The following GPR141 variants were observed in gnomAD, a reference collection of about 807,000 sequenced individuals.
GPR141 encodes the protein G protein-coupled receptor 141, also known as probable G protein-coupled receptor 141.
In GPR141, 6 loss-of-function variants were observed where a neutral mutation model predicts 6.8. The ratio of observed to expected loss-of-function variants is 0.88; its 90% CI spans 0.48 to 1.74. The LOEUF (loss-of-function observed/expected upper bound fraction) is 1.74. Among genes scored for constraint, GPR141 ranks in the 40% most tolerant of loss-of-function variants. GPR141 has a pLI of 0.01. For missense variants in GPR141, 372 were observed against 372.9 expected (o/e 1.00, Z 0.02); for synonymous variants, 140 against 142.3 (o/e 0.98, Z 0.11).
chr7:37,699,815 A>C (rs1171059065), intron 2 of GPR141, among the ~76,000 whole-genome samples: 2 of 152,184 alleles, frequency 1.3e-5, no homozygotes, highest in African/African-American at 2.4e-5. Flanking sequence ...TTGTTTTTTC[A>C]GGGGTTTATT....
intron 2 of GPR141, among the ~76,000 whole-genome samples, chr7:37,739,045 G>T (rs78411396): frequency 0.035 from 5,260 of 152,208 alleles, 323 homozygotes; most frequent in African/African-American, 0.12. Flanking sequence ...GCTTTATACA[G>T]AGTAAGATTT....
At chr7:37,721,851 T>C (rs1268541630) in intron 2 of GPR141, among the ~76,000 whole-genome samples, 1 of 152,242 alleles carries the variant, frequency 6.6e-6, no homozygotes, top group Non-Finnish European at 1.5e-5. Context: ...GGCAATGGGT[T>C]ACTTGAAGGA....
At chr7:37,738,994 A>G (rs2131864431) in intron 2 of GPR141, among the ~76,000 whole-genome samples, 1 of 152,240 alleles carries the variant, frequency 6.6e-6, no homozygotes, top group African/African-American at 2.4e-5. Flanking sequence ...TTTTGATACC[A>G]CAGATATATC....
chr7:37,719,774 A>C (rs937358348), intron 2 of GPR141, among the ~76,000 whole-genome samples: 1 of 152,204 alleles, frequency 6.6e-6, no homozygotes, highest in Non-Finnish European at 1.5e-5. Context: ...TTCTCCACCC[A>C]GTCAGGAATT....
intron 2 of GPR141, among the ~76,000 whole-genome samples, chr7:37,739,370 T>A (rs528916944): frequency 5.8e-4 from 88 of 152,324 alleles, no homozygotes; most frequent in African/African-American, 2.1e-3. Flanking sequence ...TTTTTCCTCA[T>A]TTCCCCATGT....
At chr7:37,724,643 T>A (rs1344712777) in intron 2 of GPR141, among the ~76,000 whole-genome samples, 1 of 152,150 alleles carries the variant, frequency 6.6e-6, no homozygotes, top group East Asian at 1.9e-4. Flanking sequence ...CCTGAGTGAG[T>A]GATTAAAGTG....
rs1356402884 is a variant in GPR141, at chr7:37,743,277, A to G, written c.*1966A>G. On this transcript the variant is annotated 3_prime_UTR_variant, in exon 3 of 3. Transcript: ENST00000334425. ...CAGATGAATAAGAAATACCTCTGTG[A>G]ATTTCTGTGACCACTAAAATTACTG... Among the ~76,000 whole-genome samples, 1 of 152,170 alleles carries G rather than the reference A, an allele frequency of 6.6e-6. No individual in the cohort carries two copies. Among genetic ancestry groups the G allele is most frequent in the African/African-American group, 2.4e-5 (1 of 41,438 alleles).
chr7:37,727,970 G>A (rs1205169113), intron 2 of GPR141, among the ~76,000 whole-genome samples: 1 of 152,192 alleles, frequency 6.6e-6, no homozygotes, highest in South Asian at 2.1e-4. Flanking sequence ...TATGTCAAAT[G>A]TTCCAGGTAC....
chr7:37,704,910 G>A (rs998352331), intron 2 of GPR141, among the ~76,000 whole-genome samples: 10 of 151,664 alleles, frequency 6.6e-5, no homozygotes, highest in African/African-American at 1.7e-4. Flanking sequence ...ATGATTTTTC[G>A]CATTTTAGGG....
At chr7:37,709,171 A>C (rs1269318435) in intron 2 of GPR141, among the ~76,000 whole-genome samples, 2 of 152,224 alleles carry the variant, frequency 1.3e-5, no homozygotes, top group Non-Finnish European at 2.9e-5. Context: ...AGATCATCGT[A>C]CACAGAAAGA....
At chr7:37,720,687 G>A (rs1811277300) in intron 2 of GPR141, among the ~76,000 whole-genome samples, 1 of 149,866 alleles carries the variant, frequency 6.7e-6, no homozygotes, top group South Asian at 2.1e-4. Context: ...CTTGCAGTGA[G>A]CTGAGATTGC....
At chr7:37,692,193 G>T (rs1248187237) in intron 2 of GPR141, among the ~76,000 whole-genome samples, 3 of 150,948 alleles carry the variant, frequency 2.0e-5, no homozygotes, top group Non-Finnish European at 4.4e-5. Flanking sequence ...TCCCCTCCCT[G>T]TGTCCATGTG....
chr7:37,703,504 T>TC lies in GPR141; in HGVS notation c.-15+17923dup, dbSNP rs753423419. Among the ~76,000 whole-genome samples the TC allele has an allele frequency of 9.2e-5, 14 of 152,290 alleles. No homozygotes were observed. The Middle Eastern group carries it at 0.01, about 111-fold the overall frequency. ...CTTCTACTCTGGAACAAATTTAACC[T>TC]CCATGTGACTTCCTTTTTGTAATTT... is the stretch of plus-strand genomic sequence containing the variant. On this transcript the variant is annotated intron_variant, in intron 2 of 2. Coordinates refer to ENST00000334425, the MANE Select transcript of GPR141 (RefSeq NM_001381946.1).
chr7:37,690,140 T>C (rs1404974837), intron 2 of GPR141, among the ~76,000 whole-genome samples: 1 of 152,234 alleles, frequency 6.6e-6, no homozygotes, highest in African/African-American at 2.4e-5. Flanking sequence ...TCTTAATTTC[T>C]TCATGACCAA....
rs1051107461 is a variant in GPR141 at position 37,696,378 on chromosome 7, TGAG to T, written c.-15+10799_-15+10801del. Among the ~76,000 whole-genome samples the T allele has an allele frequency of 5.3e-5, 8 of 152,264 alleles. No homozygotes were observed. The East Asian group carries it at 9.6e-4, about 18-fold the overall frequency. Reference sequence around the variant, plus strand: ...TTAGAGACAAAACCCCTTTGAAAATTGAGGAGCATCCATATTGGAATCTTGTCT... The same window carrying T: ...TTAGAGACAAAACCCCTTTGAAAATTGAGCATCCATATTGGAATCTTGTCT... On this transcript the variant is annotated intron_variant, in intron 2 of 2. Transcript: ENST00000334425.
intron 2 of GPR141, among the ~76,000 whole-genome samples, chr7:37,705,755 C>T (rs1378247518): frequency 6.6e-6 from 1 of 152,144 alleles, no homozygotes; most frequent in Non-Finnish European, 1.5e-5. Context: ...AAAATATAGA[C>T]AGCTATACGG....
intron 2 of GPR141, among the ~76,000 whole-genome samples, chr7:37,720,773 G>A (rs1315404093): frequency 6.6e-6 from 1 of 151,866 alleles, no homozygotes; most frequent in Non-Finnish European, 1.5e-5. Flanking sequence ...TTAAGAAAAG[G>A]GTTCAGAACC....
intron 2 of GPR141, among the ~76,000 whole-genome samples, chr7:37,720,650 A>T (rs759270658): frequency 4.6e-5 from 7 of 151,244 alleles, no homozygotes; most frequent in Non-Finnish European, 1.0e-4. Flanking sequence ...CTGAGGCAGG[A>T]GAATGGCGTG....
intron 2 of GPR141, among the ~76,000 whole-genome samples, chr7:37,724,079 A>G (rs1811494684): frequency 6.6e-6 from 1 of 152,174 alleles, no homozygotes; most frequent in South Asian, 2.1e-4. Context: ...CTCTACACAG[A>G]CACAAAGCCT....
Sources: allele counts gnomAD v4.1 joint callset (sites outside exome capture counted in the v4.1 genomes callset), GRCh38; gene constraint gnomAD v4.1.1; transcripts MANE v1.5; gene names NCBI Gene and HGNC (gene_info 2026-07-23, HGNC 2026-07-21).